The following PDZRN3 variants were observed in gnomAD, a reference collection of about 807,000 sequenced individuals.
PDZRN3 encodes the protein PDZ domain containing ring finger 3.
PDZRN3 carries 38 observed loss-of-function variants against 85.7 expected under a neutral mutation model. The ratio of observed to expected loss-of-function variants is 0.44; its 90% CI spans 0.34 to 0.58. The LOEUF (loss-of-function observed/expected upper bound fraction) is 0.58, where lower values mean the gene tolerates loss of function less well. Among genes scored for constraint, PDZRN3 ranks in the 20% least tolerant of loss-of-function variants. The probability of loss-of-function intolerance (pLI) is 0.01; values close to 1 mark genes in which losing one functional copy is unlikely to be tolerated. For missense variants in PDZRN3, 1,629 were observed against 1,506.4 expected (o/e 1.08, Z -1.35); for synonymous variants, 759 against 638.0 (o/e 1.19, Z -2.86).
chr3:73,552,291 T>C lies in PDZRN3; in HGVS notation c.918+50063A>G, dbSNP rs114951550. On this transcript the variant is annotated intron_variant, in intron 3 of 9. Coordinates refer to ENST00000263666, the MANE Select transcript of PDZRN3 (RefSeq NM_015009.3). The stretch of plus-strand genomic sequence containing the variant: ...ACACCTTAGAACAGTCCCTGGGAGA[T>C]AGCATTATATACATAATCACTATTA... 4.1e-3 allele frequency among the ~76,000 whole-genome samples: 625 copies of C among 151,066 alleles called. 2 individuals carry two copies. The highest frequency in any genetic ancestry group is 0.015 in the African/African-American group (600 of 41,054).
intron 3 of PDZRN3, among the ~76,000 whole-genome samples, chr3:73,473,408 G>C (rs1457616124): frequency 1.3e-5 from 2 of 151,886 alleles, no homozygotes; most frequent in African/African-American, 4.8e-5. Flanking sequence ...TCTAATTGTA[G>C]GCAGTCAAGA....
In PDZRN3 at chr3:73,567,204, T is replaced by C. The variant is rs572343566; in HGVS notation, c.918+35150A>G. Among the ~76,000 whole-genome samples, 8 of 152,346 alleles carry C rather than the reference T, an allele frequency of 5.3e-5. 1 individual carries two copies. The South Asian group carries it at 1.7e-3, about 32-fold the overall frequency. On this transcript the variant is annotated intron_variant, in intron 3 of 9. Transcript: ENST00000263666. ...TAAGAATCTGGTAGTTTGATCAACA[T>C]GGACATCTATCCTTCCTGGGGCTTT...
At chr3:73,505,389 A>G (rs796096380) in intron 3 of PDZRN3, among the ~76,000 whole-genome samples, 13 of 152,322 alleles carry the variant, frequency 8.5e-5, no homozygotes, top group African/African-American at 3.1e-4. Flanking sequence ...GATTTTTGTT[A>G]TTGTTTTAGC....
At chr3:73,448,176 C>A (rs1046384556) in intron 3 of PDZRN3, among the ~76,000 whole-genome samples, 5 of 152,180 alleles carry the variant, frequency 3.3e-5, no homozygotes, top group Admixed American at 3.3e-4. Context: ...GATCAGACTG[C>A]CTAATTTCAA....
At chr3:73,607,489 A>C (rs141436709) in intron 2 of PDZRN3, among the ~76,000 whole-genome samples, 10 of 152,128 alleles carry the variant, frequency 6.6e-5, no homozygotes. Context: ...GAGCAGTGCT[A>C]TGCTCTCCCA....
At chr3:73,605,108 G>C (rs923663229) in intron 2 of PDZRN3, among the ~76,000 whole-genome samples, 3 of 152,012 alleles carry the variant, frequency 2.0e-5, no homozygotes, top group Non-Finnish European at 4.4e-5. Context: ...TTGGGAGGCT[G>C]AGGTGGGAGG....
chr3:73,549,269 A>AT (rs1216616451), intron 3 of PDZRN3, among the ~76,000 whole-genome samples: 1 of 152,154 alleles, frequency 6.6e-6, no homozygotes, highest in African/African-American at 2.4e-5. Context: ...CACGACTTCA[A>AT]TTTTCATGAT....
rs756586919 is a variant in PDZRN3, at chr3:73,389,765, G to A, written c.1416+51C>T. On this transcript the variant is annotated intron_variant, in intron 7 of 9. Transcript: ENST00000263666. ...CTAGACCTATCATTAGAACCAGTTT[G>A]TTCTTTAGTGATAGGCCCATCATGA... 9 of 1,289,710 alleles carry A rather than the reference G, an allele frequency of 7.0e-6. No individual in the cohort carries two copies. In the South Asian group the frequency reaches 7.1e-5, roughly 10 times the overall value. 79.9% of individuals were successfully genotyped at this position (1,289,710 alleles called of 1,614,324 possible). A position where few individuals can be genotyped will look rare whatever the true frequency, so the allele number is the denominator to read the frequency against.
In PDZRN3 at chr3:73,383,227, T is replaced by G; in HGVS notation, c.*138A>C. ...AAAATAGACCTATGACACCCAGAGT[T>G]GTAGGGTTTGCAAATTTGGACTATA... On this transcript the variant is annotated 3_prime_UTR_variant, in exon 10 of 10. Transcript: ENST00000263666. 2.7e-6 allele frequency: 2 copies of G among 741,332 alleles called. No homozygotes were observed. The highest frequency in any genetic ancestry group is 4.5e-6 in the Non-Finnish European group (2 of 447,848). The allele number at this position is 741,332 out of a possible 1,614,324, so 45.9% of individuals were successfully genotyped here.
intron 3 of PDZRN3, among the ~76,000 whole-genome samples, chr3:73,560,311 T>C (rs1269991800): frequency 6.6e-6 from 1 of 152,034 alleles, no homozygotes; most frequent in East Asian, 1.9e-4. Flanking sequence ...GTCCCCATTT[T>C]ACCGATGAAG....
At chr3:73,569,285 C>A in intron 3 of PDZRN3, 1 of 1,249,312 alleles carries the variant, frequency 8.0e-7, no homozygotes, top group Non-Finnish European at 1.0e-6. Context: ...GAAATGAAGA[C>A]TGAGATACTG....
intron 3 of PDZRN3, among the ~76,000 whole-genome samples, chr3:73,516,798 G>C (rs2106719246): frequency 1.2e-5 from 1 of 80,298 alleles, no homozygotes; most frequent in South Asian, 3.6e-4. Flanking sequence ...ACTTGTTACA[G>C]GACACGGAGT....
intron 3 of PDZRN3, among the ~76,000 whole-genome samples, chr3:73,465,188 C>A (rs1260102417): frequency 1.3e-5 from 2 of 152,196 alleles, no homozygotes; most frequent in Non-Finnish European, 1.5e-5. Flanking sequence ...TAAAATCCAT[C>A]ACTTTATCTC....
In PDZRN3 at chr3:73,483,837, G is replaced by A. The variant is rs531974037; in HGVS notation, c.919-79442C>T. On this transcript the variant is annotated intron_variant, in intron 3 of 9. Transcript: ENST00000263666. ...GGCAGAGCCGGCTACAGTGGGAAGTGGTGTGTGTGAAAAAGGCTGTGAAGG... is the reference window on the plus strand; with the variant it reads ...GGCAGAGCCGGCTACAGTGGGAAGTAGTGTGTGTGAAAAAGGCTGTGAAGG... Among the ~76,000 whole-genome samples, 3 of 152,306 alleles carry A rather than the reference G, an allele frequency of 2.0e-5. No homozygotes were observed. In the South Asian group the frequency reaches 6.2e-4, roughly 32 times the overall value.
chr3:73,570,719 G>A (rs1037599099), intron 3 of PDZRN3, among the ~76,000 whole-genome samples: 3 of 152,112 alleles, frequency 2.0e-5, no homozygotes, highest in African/African-American at 7.2e-5. Flanking sequence ...TGGCCCGTAT[G>A]AGCCCCCATC....
At position 73,608,668 on chromosome 3, in the gene PDZRN3, C is replaced by T. The variant is rs771548163; in HGVS notation, c.740G>A (p.Ser247Asn). Reference protein sequence around the residue: ...PPGGKGEETKSLTLVLHRDSG... With the variant: ...PPGGKGEETKNLTLVLHRDSG... ...GTCCCGATGCAGGACAAGAGTCAGA[C>T]TTTTGGTTTCTTCGCCCTGCAGGTA... Residue 247 changes from serine (S) to asparagine (N), a missense_variant, in exon 2 of 10, where the codon AGT (serine) becomes AAT (asparagine). Transcript: ENST00000263666. 1.2e-6 allele frequency: 2 copies of T among 1,610,672 alleles called. No individual in the cohort carries two copies. Among genetic ancestry groups the T allele is most frequent in the East Asian group, 4.5e-5 (2 of 44,784 alleles).
intron 2 of PDZRN3, among the ~76,000 whole-genome samples, chr3:73,605,321 T>C (rs538199282): frequency 2.0e-5 from 3 of 152,314 alleles, no homozygotes; most frequent in African/African-American, 7.2e-5. Context: ...TGAACTAATA[T>C]GACTTGGAAT....
chr3:73,496,385 C>T (rs999753859), intron 3 of PDZRN3, among the ~76,000 whole-genome samples: 1 of 148,036 alleles, frequency 6.8e-6, no homozygotes, highest in African/African-American at 2.5e-5. Context: ...ACATAGAGAA[C>T]TAACTTAATA....
intron 5 of PDZRN3, among the ~76,000 whole-genome samples, chr3:73,396,041 G>A (rs776236993): frequency 6.6e-6 from 1 of 152,130 alleles, no homozygotes; most frequent in Non-Finnish European, 1.5e-5. Flanking sequence ...TGGCCGACAA[G>A]GCGAAACCCT....
Sources: gnomAD v4.1 joint callset for allele counts (sites outside exome capture counted in the v4.1 genomes callset) on GRCh38, gnomAD v4.1.1 for gene constraint, MANE v1.5 for transcripts, NCBI Gene and HGNC (gene_info 2026-07-23, HGNC 2026-07-21) for gene names.